SKAP1: variants seen among roughly 807,000 people sequenced by gnomAD.
The protein encoded by SKAP1 is src kinase-associated phosphoprotein 1.
SKAP1 carries 44 observed loss-of-function variants against 58.5 expected under a neutral mutation model. That is an observed-to-expected ratio of 0.75 (90% confidence interval 0.59 to 0.97). SKAP1 has a LOEUF of 0.97. Ranked by LOEUF, SKAP1 falls within the 50% of genes least tolerant of loss-of-function variation. The pLI, the probability that SKAP1 is intolerant of heterozygous loss-of-function variation, is 0.00. For synonymous variants in SKAP1, 127 were observed against 149.7 expected (o/e 0.85, Z 1.11); for missense variants, 390 against 435.2 (o/e 0.90, Z 0.92).
At chr17:48,288,902 C>T (rs1434507928) in intron 4 of SKAP1, among the ~76,000 whole-genome samples, 11 of 151,984 alleles carry the variant, frequency 7.2e-5, no homozygotes, top group African/African-American at 2.7e-4. Flanking sequence ...AGCAAAATAG[C>T]TACTTGTAAT....
chr17:48,227,114 T>C (rs1442283925), intron 4 of SKAP1, among the ~76,000 whole-genome samples: 1 of 152,178 alleles, frequency 6.6e-6, no homozygotes, highest in Non-Finnish European at 1.5e-5. Flanking sequence ...GACTTTTCAC[T>C]ACTCTGACTT....
upstream of SKAP1, among the ~76,000 whole-genome samples, chr17:48,430,876 G>C (rs920747659): frequency 6.6e-6 from 1 of 152,180 alleles, no homozygotes; most frequent in Non-Finnish European, 1.5e-5. Flanking sequence ...TCCAGGAGCT[G>C]CGGAAGGGAG....
the SKAP1 span, among the ~76,000 whole-genome samples, chr17:48,444,777 C>G: frequency 2.1e-4 from 32 of 152,198 alleles, no homozygotes; most frequent in Admixed American, 3.3e-4. Context: ...AAAGTCCCAG[C>G]GACAGGAGGA....
At chr17:48,259,283 A>T (rs2065460468) in intron 4 of SKAP1, among the ~76,000 whole-genome samples, 1 of 152,108 alleles carries the variant, frequency 6.6e-6, no homozygotes, top group African/African-American at 2.4e-5. Flanking sequence ...AAGAAAAAAT[A>T]ATTCAAAATT....
At chr17:48,239,508 A>C (rs2065219798) in intron 4 of SKAP1, among the ~76,000 whole-genome samples, 1 of 152,186 alleles carries the variant, frequency 6.6e-6, no homozygotes. Flanking sequence ...CTTCCATTAA[A>C]TTTTACTTTA....
chr17:48,252,498 T>C (rs963255675), intron 4 of SKAP1, among the ~76,000 whole-genome samples: 1 of 152,200 alleles, frequency 6.6e-6, no homozygotes, highest in African/African-American at 2.4e-5. Context: ...CATATATATC[T>C]GAGAAGGCAA....
chr17:48,370,773 C>T (rs564490606), intron 2 of SKAP1, among the ~76,000 whole-genome samples: 2 of 152,348 alleles, frequency 1.3e-5, no homozygotes, highest in East Asian at 3.9e-4. Flanking sequence ...AATCCCATTA[C>T]TGGGTATATA....
intron 4 of SKAP1, among the ~76,000 whole-genome samples, chr17:48,342,317 G>T (rs1022494923): frequency 5.3e-5 from 8 of 152,204 alleles, no homozygotes; most frequent in African/African-American, 1.9e-4. Flanking sequence ...AGGAAAAGGA[G>T]AAGGAATTGT....
At chr17:48,191,557 T>A (rs185102304) in intron 4 of SKAP1, among the ~76,000 whole-genome samples, 35 of 152,376 alleles carry the variant, frequency 2.3e-4, no homozygotes, top group Middle Eastern at 3.4e-3. Flanking sequence ...GGCTATGAGC[T>A]GGCACTTTGC....
At chr17:48,358,654 A>C (rs2066903959) in intron 3 of SKAP1, among the ~76,000 whole-genome samples, 1 of 152,234 alleles carries the variant, frequency 6.6e-6, no homozygotes, top group Non-Finnish European at 1.5e-5. Context: ...GAATTTTATG[A>C]AAAGATACAT....
intron 2 of SKAP1, among the ~76,000 whole-genome samples, chr17:48,383,711 G>T: frequency 8.3e-6 from 1 of 121,126 alleles, no homozygotes; most frequent in Non-Finnish European, 1.6e-5. Flanking sequence ...TTAAATCTCT[G>T]CCCTTTTTTT....
chr17:48,267,789 G>A (rs2065572407), intron 4 of SKAP1, among the ~76,000 whole-genome samples: 1 of 152,058 alleles, frequency 6.6e-6, no homozygotes, highest in South Asian at 2.1e-4. Context: ...CGTTAGGAAG[G>A]GTAATTACAG....
chr17:48,346,095 T>C, intron 3 of SKAP1, 89 bp from the exon 4 acceptor site: 2 of 671,094 alleles, frequency 3.0e-6, no homozygotes, highest in East Asian at 6.2e-5. Flanking sequence ...ATGTATGATC[T>C]CTTCCAGTAT....
chr17:48,431,218 G>A (rs1451500974), upstream of SKAP1, among the ~76,000 whole-genome samples: 2 of 152,210 alleles, frequency 1.3e-5, no homozygotes, highest in African/African-American at 4.8e-5. Context: ...GCTGAAGCAG[G>A]AGGATCACTT....
At chr17:48,254,316 G>C (rs78822463) in intron 4 of SKAP1, among the ~76,000 whole-genome samples, 23 of 152,176 alleles carry the variant, frequency 1.5e-4, no homozygotes, top group African/African-American at 5.1e-4. Context: ...TAATCACAAA[G>C]CTAGAATGGA....
At chr17:48,145,300 T>G (rs1255462217) in intron 11 of SKAP1, among the ~76,000 whole-genome samples, 1 of 151,984 alleles carries the variant, frequency 6.6e-6, no homozygotes, top group Non-Finnish European at 1.5e-5. Context: ...TTGGTCTGGA[T>G]GAATGAAGCA....
chr17:48,263,447 T>C (rs1223624614), intron 4 of SKAP1, among the ~76,000 whole-genome samples: 1 of 152,238 alleles, frequency 6.6e-6, no homozygotes, highest in Non-Finnish European at 1.5e-5. Flanking sequence ...ATATTTTCTA[T>C]TTTTAAATAT....
At chr17:48,349,891 A>C (rs1287729913) in intron 3 of SKAP1, among the ~76,000 whole-genome samples, 1 of 152,176 alleles carries the variant, frequency 6.6e-6, no homozygotes, top group African/African-American at 2.4e-5. Context: ...ACAGTTAATG[A>C]GTTTTCCCCC....
At chr17:48,443,475 TTTG>T in the SKAP1 span, among the ~76,000 whole-genome samples, 1 of 151,922 alleles carries the variant, frequency 6.6e-6, no homozygotes, top group South Asian at 2.1e-4. Context: ...TGTTTGTTTG[TTTG>T]TTTGTTTGTT....
Sources: gnomAD v4.1 joint callset for allele counts (sites outside exome capture counted in the v4.1 genomes callset) on GRCh38, gnomAD v4.1.1 for gene constraint, MANE v1.5 for transcripts, NCBI Gene and HGNC (gene_info 2026-07-23, HGNC 2026-07-21) for gene names.